NDUFAF6: variants seen among roughly 807,000 people sequenced by gnomAD.
NDUFAF6 encodes NADH:ubiquinone oxidoreductase complex assembly factor 6.
NDUFAF6 carries 45 observed loss-of-function variants against 40.8 expected under a neutral mutation model. The ratio of observed to expected loss-of-function variants is 1.10; its 90% CI spans 0.87 to 1.42. NDUFAF6 has a LOEUF of 1.42. Among genes scored for constraint, NDUFAF6 ranks in the 40% most tolerant of loss-of-function variants. NDUFAF6 has a pLI of 0.00. For missense variants in NDUFAF6, 435 were observed against 418.5 expected (o/e 1.04, Z -0.34); for synonymous variants, 185 against 155.9 (o/e 1.19, Z -1.39).
chr8:95,030,919 A>T (rs541077545), intron 1 of NDUFAF6, among the ~76,000 whole-genome samples: 1 of 152,202 alleles, frequency 6.6e-6, no homozygotes, highest in Admixed American at 6.5e-5. Context: ...GGTGTATCAC[A>T]TGGCAAGAGA....
At chr8:94,909,788 G>GTATA (rs143566952) in intron 1 of NDUFAF6, among the ~76,000 whole-genome samples, 37 of 147,076 alleles carry the variant, frequency 2.5e-4, no homozygotes, top group East Asian at 7.9e-4. Context: ...TTATATATGT[G>GTATA]TATATATATA....
chr8:94,914,952 G>A (rs187916832), intron 1 of NDUFAF6, among the ~76,000 whole-genome samples: 1 of 152,170 alleles, frequency 6.6e-6, no homozygotes, highest in Admixed American at 6.5e-5. Context: ...TCGGGTACAT[G>A]TGCAGGTTTG....
chr8:94,951,172 C>T (rs1822580080), intron 2 of NDUFAF6: 2 of 152,202 alleles, frequency 1.3e-5, no homozygotes, highest in Admixed American at 1.3e-4. Flanking sequence ...GAGAGACCAC[C>T]CTGCTAGCCA....
upstream of NDUFAF6, among the ~76,000 whole-genome samples, chr8:95,022,434 A>G (rs1445105151): frequency 6.6e-6 from 1 of 151,956 alleles, no homozygotes; most frequent in Non-Finnish European, 1.5e-5. Flanking sequence ...ATGGAACACT[A>G]TAGACACAAA....
At chr8:95,046,249 C>T (rs1456033668) in intron 5 of NDUFAF6, among the ~76,000 whole-genome samples, 5 of 151,942 alleles carry the variant, frequency 3.3e-5, no homozygotes, top group South Asian at 2.1e-4. Flanking sequence ...TTAGTAGAGA[C>T]GAGGCCAGAA....
chr8:94,986,389 A>G (rs1000341426), intron 2 of NDUFAF6, among the ~76,000 whole-genome samples: 17 of 152,226 alleles, frequency 1.1e-4, no homozygotes, highest in Admixed American at 4.6e-4. Flanking sequence ...GCAGCTTTGT[A>G]TCTGGGTACA....
At chr8:95,027,041 G>C (rs1828239496) in intron 1 of NDUFAF6, among the ~76,000 whole-genome samples, 1 of 152,126 alleles carries the variant, frequency 6.6e-6, no homozygotes, top group Admixed American at 6.5e-5. Context: ...GCAAGACCCT[G>C]TTTCAAAACA....
intron 2 of NDUFAF6, among the ~76,000 whole-genome samples, chr8:95,085,390 A>G (rs955926522): frequency 1.3e-5 from 2 of 152,142 alleles, no homozygotes; most frequent in Admixed American, 1.3e-4. Context: ...CCTACGTACT[A>G]TGGTTCAATA....
chr8:95,056,206 T>C (rs1299969212), intron 8 of NDUFAF6, among the ~76,000 whole-genome samples: 1 of 152,116 alleles, frequency 6.6e-6, no homozygotes, highest in Non-Finnish European at 1.5e-5. Flanking sequence ...GATTCCTCTT[T>C]TTTTCGATCA....
chr8:95,034,131 A>G (rs1188332479), intron 2 of NDUFAF6: 3 of 456,688 alleles, frequency 6.6e-6, no homozygotes, highest in East Asian at 6.9e-5. Context: ...AAGTAAGAGT[A>G]GTACAAACAA....
chr8:94,952,435 G>A (rs907921818), intron 2 of NDUFAF6, among the ~76,000 whole-genome samples: 4 of 152,230 alleles, frequency 2.6e-5, no homozygotes, highest in African/African-American at 9.6e-5. Context: ...CCCATCAACA[G>A]TTAGGATCTG....
At chr8:94,901,021 G>A (rs1330414060) in intron 1 of NDUFAF6, among the ~76,000 whole-genome samples, 2 of 152,178 alleles carry the variant, frequency 1.3e-5, no homozygotes, top group Admixed American at 6.5e-5. Flanking sequence ...TGAAAAATAA[G>A]AGCAGGGTAA....
chr8:95,025,974 TCTG>T (rs1397405913), intron 1 of NDUFAF6, among the ~76,000 whole-genome samples: 7 of 152,188 alleles, frequency 4.6e-5, no homozygotes, highest in Non-Finnish European at 8.8e-5. Flanking sequence ...CCTCTGCCCT[TCTG>T]CTATGTCTCA....
chr8:95,032,145 T>C, intron 2 of NDUFAF6, 51 bp downstream of exon 2: 1 of 1,401,600 alleles, frequency 7.1e-7, no homozygotes, highest in East Asian at 2.3e-5. Context: ...TGATATAAGG[T>C]GTTTAATGCT....
At chr8:94,924,512 T>C (rs1819729268) in intron 1 of NDUFAF6, among the ~76,000 whole-genome samples, 1 of 152,236 alleles carries the variant, frequency 6.6e-6, no homozygotes, top group African/African-American at 2.4e-5. Context: ...TGTACAAATT[T>C]ACAGCAAAGG....
At chr8:95,079,123 C>G (rs1182486675), downstream of NDUFAF6, among the ~76,000 whole-genome samples, 1 of 151,964 alleles carries the variant, frequency 6.6e-6, no homozygotes, top group Non-Finnish European at 1.5e-5. Context: ...AGGCATGTGC[C>G]ACCATGGCCG....
At chr8:94,990,523 C>CA (rs972615827) in intron 2 of NDUFAF6, among the ~76,000 whole-genome samples, 17 of 149,198 alleles carry the variant, frequency 1.1e-4, no homozygotes, top group Admixed American at 2.0e-4. Flanking sequence ...TAAACCTTTC[C>CA]AAAAAAAAAA....
Position 94,897,625 on chromosome 8 carries a change from A to G in NDUFAF6, c.-936+1698A>G, listed in dbSNP as rs112578434. ...TGCTCCGACATTCATTTTCAGGAGGAAAAAACCCCAGAAGATGCTTGGAGG... is the reference window on the plus strand; with the variant it reads ...TGCTCCGACATTCATTTTCAGGAGGGAAAAACCCCAGAAGATGCTTGGAGG... On this transcript the variant is annotated intron_variant, in intron 1 of 14. Coordinates refer to the NDUFAF6 transcript ENST00000396113. Among the ~76,000 whole-genome samples, 769 of 152,012 alleles carry G rather than the reference A, an allele frequency of 5.1e-3. 4 individuals carry two copies. Among genetic ancestry groups the G allele is most frequent in the Non-Finnish European group, 7.0e-3 (479 of 67,974 alleles).
chr8:95,094,197 C>T (rs534422126), intron 2 of NDUFAF6, among the ~76,000 whole-genome samples: 1 of 152,288 alleles, frequency 6.6e-6, no homozygotes, highest in South Asian at 2.1e-4. Context: ...GGCTTGAACT[C>T]CTGACCTCAG....
Sources: allele counts gnomAD v4.1 joint callset (sites outside exome capture counted in the v4.1 genomes callset), GRCh38; gene constraint gnomAD v4.1.1; transcripts MANE v1.5; gene names NCBI Gene and HGNC (gene_info 2026-07-23, HGNC 2026-07-21).